Variants in AGPS observed in about 807,000 individuals in gnomAD.
The protein encoded by AGPS is alkyldihydroxyacetonephosphate synthase, peroxisomal.
Under a neutral mutation model 90.7 loss-of-function variants are expected in AGPS, and 26 were observed. That is an observed-to-expected ratio of 0.29 (90% CI 0.21 to 0.40). The LOEUF (loss-of-function observed/expected upper bound fraction) is 0.40. Among genes scored for constraint, AGPS ranks in the 10% least tolerant of loss-of-function variants. The pLI is 1.00. For synonymous variants in AGPS, 294 were observed against 285.3 expected (o/e 1.03, Z -0.31); for missense variants, 540 against 816.1 (o/e 0.66, Z 4.12).
chr2:177,395,777 G>A (rs1162111076), intron 1 of AGPS, among the ~76,000 whole-genome samples: 1 of 152,122 alleles, frequency 6.6e-6, no homozygotes, highest in Non-Finnish European at 1.5e-5. Flanking sequence ...GCTTGTAATT[G>A]TTTTATCACA....
intron 1 of AGPS, among the ~76,000 whole-genome samples, chr2:177,406,825 C>G (rs1685479983): frequency 6.6e-6 from 1 of 152,206 alleles, no homozygotes; most frequent in Non-Finnish European, 1.5e-5. Flanking sequence ...TATGCTTCAG[C>G]CAATTTTATG....
intron 16 of AGPS, among the ~76,000 whole-genome samples, chr2:177,511,963 C>G (rs1455978622): frequency 6.6e-6 from 1 of 152,144 alleles, no homozygotes; most frequent in African/African-American, 2.4e-5. Context: ...TGCATTTAAA[C>G]TGAAATGCAG....
chr2:177,435,798 G>GT (rs1686389721), intron 3 of AGPS, among the ~76,000 whole-genome samples: 2 of 152,102 alleles, frequency 1.3e-5, no homozygotes. Context: ...TTGGCCAGCC[G>GT]TTTATAGACT....
At chr2:177,427,074 G>C (rs1205565945) in intron 2 of AGPS, among the ~76,000 whole-genome samples, 1 of 152,172 alleles carries the variant, frequency 6.6e-6, no homozygotes. Context: ...GGTTCTTCCT[G>C]GTTCAATCTT....
chr2:177,523,698 CA>C (rs1442286159), intron 18 of AGPS, 49 bp from the exon 19 acceptor site: 2 of 1,547,864 alleles, frequency 1.3e-6, no homozygotes, highest in South Asian at 2.2e-5. Flanking sequence ...TCTTTCACTG[CA>C]AAATGAAATC....
chr2:177,518,052 G>A (rs1324426253), intron 17 of AGPS, among the ~76,000 whole-genome samples: 1 of 152,108 alleles, frequency 6.6e-6, no homozygotes, highest in Non-Finnish European at 1.5e-5. Flanking sequence ...TCTCATTATT[G>A]GTGACATTAA....
intron 16 of AGPS, among the ~76,000 whole-genome samples, chr2:177,513,156 G>A (rs1000170984): frequency 3.3e-5 from 5 of 152,054 alleles, no homozygotes; most frequent in African/African-American, 4.8e-5. Context: ...GTGCAGTGGC[G>A]CAACCATGGC....
intron 17 of AGPS, among the ~76,000 whole-genome samples, chr2:177,515,969 A>T (rs1016457658): frequency 1.3e-5 from 2 of 152,082 alleles, no homozygotes; most frequent in African/African-American, 4.8e-5. Context: ...AGATTATTCC[A>T]TGTTGAATAT....
intron 1 of AGPS, among the ~76,000 whole-genome samples, chr2:177,397,243 A>C (rs1216716049): frequency 6.6e-6 from 1 of 151,996 alleles, no homozygotes; most frequent in East Asian, 1.9e-4. Context: ...GGCCGGCTCC[A>C]ATTACTTCTA....
chr2:177,397,563 C>T (rs1456316950), intron 1 of AGPS, among the ~76,000 whole-genome samples: 1 of 151,860 alleles, frequency 6.6e-6, no homozygotes, highest in Non-Finnish European at 1.5e-5. Flanking sequence ...AACCTCTTTC[C>T]CAGTTATAAC....
intron 14 of AGPS, among the ~76,000 whole-genome samples, chr2:177,500,431 T>C (rs926928130): frequency 1.3e-5 from 2 of 152,062 alleles, no homozygotes; most frequent in Non-Finnish European, 2.9e-5. Flanking sequence ...ATATATCATA[T>C]ACATTATGCT....
intron 2 of AGPS, among the ~76,000 whole-genome samples, chr2:177,430,125 C>T (rs892311245): frequency 1.3e-5 from 2 of 152,182 alleles, no homozygotes; most frequent in African/African-American, 4.8e-5. Flanking sequence ...TCATTCAGAC[C>T]ACCTGGACTG....
chr2:177,403,624 AAAT>A (rs1443115196), intron 1 of AGPS, among the ~76,000 whole-genome samples: 1 of 152,214 alleles, frequency 6.6e-6, no homozygotes, highest in African/African-American at 2.4e-5. Flanking sequence ...AAAAAATAGA[AAAT>A]AATAATCAAA....
intron 8 of AGPS, among the ~76,000 whole-genome samples, chr2:177,461,411 G>A (rs1286742911): frequency 2.6e-5 from 4 of 152,216 alleles, no homozygotes; most frequent in African/African-American, 9.6e-5. Flanking sequence ...AGAGAATTAA[G>A]TACAGGCAAT....
chr2:177,408,992 A>G (rs1685544342), intron 1 of AGPS, among the ~76,000 whole-genome samples: 1 of 152,108 alleles, frequency 6.6e-6, no homozygotes, highest in African/African-American at 2.4e-5. Context: ...ACCCAAGGTG[A>G]TGTTTATACT....
chr2:177,507,533 C>A (rs1280333684), intron 15 of AGPS, among the ~76,000 whole-genome samples: 1 of 152,136 alleles, frequency 6.6e-6, no homozygotes, highest in Admixed American at 6.5e-5. Context: ...AAAATCTCCT[C>A]ATTCTAAACA....
intron 14 of AGPS, among the ~76,000 whole-genome samples, chr2:177,500,737 T>G (rs1389862894): frequency 6.6e-6 from 1 of 152,108 alleles, no homozygotes; most frequent in Non-Finnish European, 1.5e-5. Flanking sequence ...GCAAATGGAA[T>G]TTTAATTTTT....
chr2:177,437,713 C>G (rs767697946), intron 5 of AGPS, among the ~76,000 whole-genome samples: 4 of 152,128 alleles, frequency 2.6e-5, no homozygotes, highest in Non-Finnish European at 4.4e-5. Flanking sequence ...TTCTATTGAT[C>G]TTCTGATTCA....
In AGPS at chr2:177,513,743, G is replaced by T. The variant is rs565255146; in HGVS notation, c.1608-76G>T. On this transcript the variant is annotated intron_variant, in intron 16 of 19. Transcript: ENST00000264167. Reference sequence around the variant, plus strand: ...AAAATGTCAGACTTGAATGATGCCAGATTAACCAACGTTTATTAGCACTTG... The same window carrying T: ...AAAATGTCAGACTTGAATGATGCCATATTAACCAACGTTTATTAGCACTTG... 185 of 1,117,938 alleles carry T rather than the reference G, an allele frequency of 1.7e-4. No homozygotes were observed. The African/African-American group carries it at 2.4e-3, about 15-fold the overall frequency. The allele number at this position is 1,117,938 out of a possible 1,614,324, so 69.3% of individuals were successfully genotyped here. A position where few individuals can be genotyped will look rare whatever the true frequency, so the allele number is the denominator to read the frequency against.
Sources: allele counts gnomAD v4.1 joint callset (sites outside exome capture counted in the v4.1 genomes callset), GRCh38; gene constraint gnomAD v4.1.1; transcripts MANE v1.5; gene names NCBI Gene and HGNC (gene_info 2026-07-23, HGNC 2026-07-21).